Variants in EIF3L observed in about 807,000 individuals in gnomAD.
EIF3L encodes the protein eIEF associated protein HSPC021.
EIF3L carries 32 observed loss-of-function variants against 74.6 expected under a neutral mutation model. The observed-to-expected ratio is 0.43, with a 90% CI of 0.32 to 0.58. The LOEUF is 0.58. Ranked by LOEUF, EIF3L falls within the 20% of genes least tolerant of loss-of-function variation. The pLI is 0.06. For missense variants in EIF3L, 474 were observed against 707.8 expected (o/e 0.67, Z 3.75); for synonymous variants, 256 against 254.4 (o/e 1.01, Z -0.06).
At chr22:37,851,793 G>C (rs565247062) in intron 3 of EIF3L, among the ~76,000 whole-genome samples, 24 of 152,286 alleles carry the variant, frequency 1.6e-4, no homozygotes, top group Non-Finnish European at 3.4e-4. Context: ...AGCTTCCCGA[G>C]TAGCTGGGAC....
intron 9 of EIF3L, 69 bp downstream of exon 9, chr22:37,874,593 C>G: frequency 1.3e-6 from 2 of 1,508,892 alleles, no homozygotes; most frequent in South Asian, 1.3e-5. Flanking sequence ...CCACTCTGAT[C>G]TCTTAGGACA....
At chr22:37,849,958 G>A (rs1601748486) in intron 1 of EIF3L, 57 bp from the exon 2 acceptor site, 1 of 1,595,030 alleles carries the variant, frequency 6.3e-7, no homozygotes, top group East Asian at 2.2e-5. Flanking sequence ...ACTCTAGGAT[G>A]AGCGTTTTGA....
At chr22:37,868,798 G>C (rs756315979) in intron 7 of EIF3L, among the ~76,000 whole-genome samples, 1 of 151,322 alleles carries the variant, frequency 6.6e-6, no homozygotes, top group African/African-American at 2.4e-5. Flanking sequence ...ATGTATCACT[G>C]TACCTGGCTA....
At chr22:37,849,607 C>G in intron 1 of EIF3L, 125 bp downstream of exon 1, 1 of 1,085,842 alleles carries the variant, frequency 9.2e-7, no homozygotes, top group East Asian at 2.5e-5. Flanking sequence ...CCGCCCGGCC[C>G]TCAGGCTGCT....
At chr22:37,872,680 A>C (rs1926536422) in intron 8 of EIF3L, among the ~76,000 whole-genome samples, 1 of 152,088 alleles carries the variant, frequency 6.6e-6, no homozygotes. Flanking sequence ...GTGCGGTGGC[A>C]CAATCATGGC....
At position 37,875,954 on chromosome 22, in the gene EIF3L, C is replaced by T. The variant is rs752806930; in HGVS notation, c.1020C>T (p.Leu340=). ...QDAIRVFANI[L]LYIQRTKSMF... ...CCATCCGGGTCTTCGCCAACATCCT[C>T]CTCTACATCCAGAGGACCAAGAGCA... The change falls in exon 10 of 13, where the codon CTC becomes CTT. Residue 340 remains leucine, a synonymous_variant. Transcript: ENST00000652021. The T allele has an allele frequency of 1.1e-5, 17 of 1,614,122 alleles. No individual in the cohort carries two copies. Among genetic ancestry groups the T allele is most frequent in the Non-Finnish European group, 1.4e-5 (17 of 1,180,028 alleles).
intron 5 of EIF3L, among the ~76,000 whole-genome samples, chr22:37,859,648 C>T (rs1244232767): frequency 1.3e-5 from 2 of 151,478 alleles, no homozygotes; most frequent in Non-Finnish European, 2.9e-5. Flanking sequence ...TCCCAAAGTG[C>T]TGGGATGACA....
chr22:37,863,480 T>C (rs1438131732), intron 7 of EIF3L, 135 bp downstream of exon 7: 3 of 695,580 alleles, frequency 4.3e-6, no homozygotes, highest in Admixed American at 3.2e-5. Flanking sequence ...GGCAGTAGAC[T>C]CCAGTTTCAG....
chr22:37,877,529 A>G (rs1926814747), intron 10 of EIF3L, 145 bp from the exon 11 acceptor site: 1 of 943,792 alleles, frequency 1.1e-6, no homozygotes, highest in Non-Finnish European at 1.6e-6. Flanking sequence ...GAGGATTGGA[A>G]GAGATGTTGG....
chr22:37,859,780 G>A (rs535419258), intron 5 of EIF3L, among the ~76,000 whole-genome samples: 3 of 152,136 alleles, frequency 2.0e-5, no homozygotes, highest in African/African-American at 4.8e-5. Context: ...GCTAAGGGCA[G>A]GTCACCTGAG....
At chr22:37,863,794 G>A (rs561925907) in intron 7 of EIF3L, among the ~76,000 whole-genome samples, 2 of 152,054 alleles carry the variant, frequency 1.3e-5, no homozygotes, top group South Asian at 4.2e-4. Context: ...GGCCGGGCGC[G>A]GTGACTCACG....
intron 4 of EIF3L, among the ~76,000 whole-genome samples, 159 bp downstream of exon 4, chr22:37,855,803 T>C (rs1448921696): frequency 6.6e-6 from 1 of 152,174 alleles, no homozygotes; most frequent in Non-Finnish European, 1.5e-5. Flanking sequence ...TGTCGAAGGC[T>C]GGATGATTTA....
chr22:37,860,300 T>C (rs1305321461), intron 5 of EIF3L, among the ~76,000 whole-genome samples: 1 of 152,144 alleles, frequency 6.6e-6, no homozygotes, highest in African/African-American at 2.4e-5. Flanking sequence ...TGACATGATA[T>C]CCAGCAAATC....
Position 37,874,440 on chromosome 22 carries a change from G to A in EIF3L, c.822G>A (p.Leu274=), listed in dbSNP as rs1424543123. Residue 274 remains leucine, a synonymous_variant, in exon 9 of 13, where the codon CTG becomes CTA. Coordinates refer to ENST00000652021, the MANE Select transcript of EIF3L (RefSeq NM_016091.4). ...SLYKMLGYFS[L]VGLLRLHSLL... ...ACAAAATGCTTGGTTACTTCAGCCT[G>A]GTCGGGCTTCTCCGCCTGCACTCCC... The A allele has an allele frequency of 4.3e-6, 7 of 1,614,050 alleles. No individual in the cohort carries two copies. In the African/African-American group the frequency reaches 9.3e-5, roughly 22 times the overall value.
intron 8 of EIF3L, among the ~76,000 whole-genome samples, chr22:37,871,458 C>T (rs1368541804): frequency 5.3e-5 from 8 of 152,152 alleles, no homozygotes; most frequent in Admixed American, 3.9e-4. Flanking sequence ...GTCAGAACTT[C>T]GTCTCATGCA....
intron 7 of EIF3L, among the ~76,000 whole-genome samples, chr22:37,864,720 G>A (rs1225220605): frequency 2.0e-5 from 3 of 152,042 alleles, no homozygotes; most frequent in African/African-American, 7.2e-5. Context: ...TGTATTTTTA[G>A]TAGAGACGGG....
chr22:37,875,727 AG>A, intron 9 of EIF3L, 113 bp from the exon 10 acceptor site: 1 of 957,308 alleles, frequency 1.0e-6, no homozygotes. Context: ...GGGACTCCAG[AG>A]CTTCCTCTGG....
At position 37,851,314 on chromosome 22, in the gene EIF3L, G is replaced by T; in HGVS notation, c.117G>T (p.Gln39His). Residue 39 changes from glutamine to histidine, a missense_variant, in exon 3 of 13, where the codon CAG (glutamine) becomes CAT (histidine). Gln to His is a conservative substitution (Grantham distance 24). Transcript: ENST00000652021. Reference sequence around the variant, plus strand: ...AGCAGGACCTTGCTTATGAACGTCAGTATGAACAGCAAACCTATCAGGTGA... The same window carrying T: ...AGCAGGACCTTGCTTATGAACGTCATTATGAACAGCAAACCTATCAGGTGA... The part of the protein sequence containing the change: ...DPKQDLAYER[Q>H]YEQQTYQVIP... 2 of 1,614,188 alleles carry T rather than the reference G, an allele frequency of 1.2e-6. No individual in the cohort carries two copies. Among genetic ancestry groups the T allele is most frequent in the Non-Finnish European group, 1.7e-6 (2 of 1,180,032 alleles).
At chr22:37,883,855 A>G (rs1344474203) in intron 11 of EIF3L, 1 of 152,240 alleles carries the variant, frequency 6.6e-6, no homozygotes, top group Non-Finnish European at 1.5e-5. Flanking sequence ...TGGAGGTTGC[A>G]GTGAGCCAAG....
Sources: allele counts gnomAD v4.1 joint callset (sites outside exome capture counted in the v4.1 genomes callset), GRCh38; gene constraint gnomAD v4.1.1; transcripts MANE v1.5; gene names NCBI Gene and HGNC (gene_info 2026-07-23, HGNC 2026-07-21).